The following FGF12 variants were observed in gnomAD, a reference collection of about 807,000 sequenced individuals.
The protein encoded by FGF12 is fibroblast growth factor 12.
FGF12 carries 14 observed loss-of-function variants against 23.6 expected under a neutral mutation model. The ratio of observed to expected loss-of-function variants is 0.59; its 90% CI spans 0.39 to 0.93. The LOEUF (loss-of-function observed/expected upper bound fraction) is 0.93. FGF12 is among the 40% of genes least tolerant of loss of function. The pLI is 0.00. For missense variants in FGF12, 175 were observed against 217.8 expected, an observed-to-expected ratio of 0.80 and a Z score of 1.24; for synonymous variants, 62 against 77.3, an observed-to-expected ratio of 0.80 and a Z score of 1.04.
At chr3:192,366,762 G>T (rs1443885082) in intron 2 of FGF12, among the ~76,000 whole-genome samples, 3 of 152,104 alleles carry the variant, frequency 2.0e-5, no homozygotes. Flanking sequence ...GTGCAGCCTA[G>T]AAAAGGAAGC....
intron 2 of FGF12, among the ~76,000 whole-genome samples, chr3:192,386,033 G>C (rs1007918493): frequency 1.4e-4 from 22 of 152,214 alleles, no homozygotes; most frequent in African/African-American, 5.3e-4. Flanking sequence ...GGCTCAGAAA[G>C]GTTAAGCAAC....
At chr3:192,621,745 G>T (rs1257492391) in intron 2 of FGF12, among the ~76,000 whole-genome samples, 2 of 142,914 alleles carry the variant, frequency 1.4e-5, no homozygotes, top group Non-Finnish European at 3.0e-5. Flanking sequence ...CCTGCCTCCA[G>T]CCCTAAGAAC....
chr3:192,297,191 AC>A (rs1344509595), intron 4 of FGF12, among the ~76,000 whole-genome samples: 1 of 152,208 alleles, frequency 6.6e-6, no homozygotes, highest in Non-Finnish European at 1.5e-5. Flanking sequence ...AGAATTTCCC[AC>A]GATTTGCGTC....
chr3:192,224,082 G>A (rs960336351), intron 4 of FGF12, among the ~76,000 whole-genome samples: 1 of 152,076 alleles, frequency 6.6e-6, no homozygotes, highest in Non-Finnish European at 1.5e-5. Flanking sequence ...TAGGGATTTT[G>A]TAAGATACCT....
intron 2 of FGF12, among the ~76,000 whole-genome samples, chr3:192,393,731 T>C (rs1375874443): frequency 1.3e-5 from 2 of 152,212 alleles, no homozygotes; most frequent in Non-Finnish European, 2.9e-5. Context: ...TTAGGATATA[T>C]TTTAATCATA....
intron 2 of FGF12, among the ~76,000 whole-genome samples, chr3:192,364,138 A>G (rs1560086318): frequency 6.6e-6 from 1 of 152,208 alleles, no homozygotes; most frequent in Non-Finnish European, 1.5e-5. Context: ...AAAACATCAC[A>G]ACTCTGGGAA....
intron 2 of FGF12, among the ~76,000 whole-genome samples, chr3:192,520,188 T>C (rs1724781683): frequency 6.6e-6 from 1 of 152,200 alleles, no homozygotes; most frequent in Non-Finnish European, 1.5e-5. Context: ...TACATTTCTA[T>C]CGGTATATCT....
intron 3 of FGF12, among the ~76,000 whole-genome samples, chr3:192,352,248 T>C (rs1718260455): frequency 6.6e-6 from 1 of 152,176 alleles, no homozygotes; most frequent in African/African-American, 2.4e-5. Flanking sequence ...GGCTTCACAG[T>C]CCCAGAACAG....
At chr3:192,184,370 C>G (rs1716341442) in intron 4 of FGF12, among the ~76,000 whole-genome samples, 1 of 152,056 alleles carries the variant, frequency 6.6e-6, no homozygotes, top group Admixed American at 6.5e-5. Flanking sequence ...ATTTTGGCTG[C>G]AGGTAGGAAG....
At chr3:192,612,845 CT>C (rs1447073969) in intron 2 of FGF12, among the ~76,000 whole-genome samples, 2 of 151,950 alleles carry the variant, frequency 1.3e-5, no homozygotes, top group Admixed American at 6.6e-5. Context: ...TTTATACCCC[CT>C]GTTCCAAGAA....
intron 2 of FGF12, among the ~76,000 whole-genome samples, chr3:192,711,461 T>C (rs1718676729): frequency 6.6e-6 from 1 of 151,824 alleles, no homozygotes; most frequent in South Asian, 2.1e-4. Flanking sequence ...CAACAGCTCA[T>C]TGAGAACGGG....
intron 2 of FGF12, among the ~76,000 whole-genome samples, chr3:192,488,405 T>C (rs1723701363): frequency 6.6e-6 from 1 of 152,072 alleles, no homozygotes; most frequent in African/African-American, 2.4e-5. Flanking sequence ...CACATTTCTT[T>C]CCTCTTCTTC....
intron 2 of FGF12, among the ~76,000 whole-genome samples, chr3:192,679,241 G>A (rs2108704925): frequency 6.6e-6 from 1 of 152,260 alleles, no homozygotes; most frequent in South Asian, 2.1e-4. Context: ...TGAGGCACAG[G>A]AAGATAGGCA....
chr3:192,432,282 A>G (rs975933615), intron 2 of FGF12, among the ~76,000 whole-genome samples: 2 of 152,202 alleles, frequency 1.3e-5, no homozygotes, highest in African/African-American at 2.4e-5. Flanking sequence ...ACCAAATACA[A>G]TCTTGTTCAA....
intron 2 of FGF12, among the ~76,000 whole-genome samples, chr3:192,368,912 C>T (rs1003788845): frequency 6.6e-6 from 1 of 152,194 alleles, no homozygotes; most frequent in Admixed American, 6.5e-5. Flanking sequence ...AGCACAACCC[C>T]TGCCTTCCTC....
intron 2 of FGF12, among the ~76,000 whole-genome samples, chr3:192,614,860 C>T (rs920852706): frequency 6.6e-6 from 1 of 151,984 alleles, no homozygotes; most frequent in Non-Finnish European, 1.5e-5. Context: ...GGAGCACTTC[C>T]AGCCTTCTAA....
chr3:192,486,884 AGACT>A (rs1171632640), intron 2 of FGF12, among the ~76,000 whole-genome samples: 26 of 152,176 alleles, frequency 1.7e-4, no homozygotes, highest in Admixed American at 1.4e-3. Context: ...ACTAGAGCCA[AGACT>A]GTGTTTACAA....
At chr3:192,144,150 T>A in intron 5 of FGF12, 23 bp from the exon 6 acceptor site, 1 of 1,431,232 alleles carries the variant, frequency 7.0e-7, no homozygotes, top group Non-Finnish European at 9.8e-7. Context: ...ATAACAAAAA[T>A]TACTTATGAC....
chr3:192,455,112 G>C (rs367755917), intron 2 of FGF12, among the ~76,000 whole-genome samples: 3 of 152,248 alleles, frequency 2.0e-5, no homozygotes, highest in African/African-American at 7.2e-5. Context: ...GCTTGGAAAA[G>C]AGTGGGCAAT....
Sources: gnomAD v4.1 joint callset for allele counts (sites outside exome capture counted in the v4.1 genomes callset) on GRCh38, gnomAD v4.1.1 for gene constraint, MANE v1.5 for transcripts, NCBI Gene and HGNC (gene_info 2026-07-23, HGNC 2026-07-21) for gene names.